Variants in MIER3 observed in about 807,000 individuals in gnomAD.
MIER3 encodes MIER family member 3, also known as mesoderm induction early response protein 3.
In MIER3, 9 loss-of-function variants were observed where a neutral mutation model predicts 63.2. The ratio of observed to expected loss-of-function variants is 0.14; its 90% CI spans 0.09 to 0.25. The LOEUF is 0.25. Ranked by LOEUF, MIER3 falls within the 10% of genes least tolerant of loss-of-function variation. The pLI is 1.00. For missense variants in MIER3, 512 were observed against 666.2 expected, an observed-to-expected ratio of 0.77 and a Z score of 2.55; for synonymous variants, 205 against 224.9, an observed-to-expected ratio of 0.91 and a Z score of 0.79.
intron 10 of MIER3, chr5:56,928,090 C>A (rs1238789101): frequency 3.3e-5 from 5 of 152,124 alleles, no homozygotes; most frequent in African/African-American, 9.7e-5. Flanking sequence ...TCTGGAGGTG[C>A]CACACTTTGT....
chr5:56,934,959 G>A (rs896597171), intron 7 of MIER3, among the ~76,000 whole-genome samples: 1 of 152,170 alleles, frequency 6.6e-6, no homozygotes, highest in Non-Finnish European at 1.5e-5. Flanking sequence ...ACATAATTAG[G>A]AGTATACAAG....
At chr5:56,925,414 C>G (rs1316045429) in intron 10 of MIER3, 1 of 437,288 alleles carries the variant, frequency 2.3e-6, no homozygotes, top group African/African-American at 2.0e-5. Flanking sequence ...AGCAAAGTTT[C>G]AGGAGACAAG....
rs36017815 is a variant in MIER3 at position 56,923,192 on chromosome 5, T to C, written c.1589A>G (p.Asn530Ser). The C allele has an allele frequency of 0.011, 17,492 of 1,613,918 alleles. 1,408 individuals are homozygous for C. The African/African-American group carries it at 0.19, about 18-fold the overall frequency. Residue 530 changes from asparagine (N) to serine (S), a missense_variant, in exon 13 of 13, where the codon AAC becomes AGC. Asn to Ser is a conservative substitution (Grantham distance 46). Around this residue, in one of 5 missense-constraint regions of MIER3, gnomAD observed 218 missense variants for 251.2 expected, o/e 0.87. Transcript: ENST00000381199. The part of the protein sequence containing the change: ...SVADFGSLSA[N>S]ETNGFISAHA... ...GGCACTGATGAAACCATTGGTCTCGTTGGCAGAGAGACTGCCAAAGTCAGC... is the reference window on the plus strand; with the variant it reads ...GGCACTGATGAAACCATTGGTCTCGCTGGCAGAGAGACTGCCAAAGTCAGC...
chr5:56,941,496 C>T (rs1431059410), intron 3 of MIER3: 2 of 152,014 alleles, frequency 1.3e-5, no homozygotes, highest in African/African-American at 4.8e-5. Flanking sequence ...AAGGCCAGTC[C>T]CATGAAGAGT....
chr5:56,922,657 G>T lies in MIER3; in HGVS notation c.*471C>A, dbSNP rs1749727407. 1.3e-5 allele frequency: 2 copies of T among 157,654 alleles called. No homozygotes were observed. The allele number at this position is 157,654 out of a possible 1,614,324, so 9.8% of individuals were successfully genotyped here. ...AAAAATGCTACATTGAGCAGGGATCGGGATCGGTACCTGTAAACATTGTTA... is the reference window on the plus strand; with the variant it reads ...AAAAATGCTACATTGAGCAGGGATCTGGATCGGTACCTGTAAACATTGTTA... On this transcript the variant is annotated 3_prime_UTR_variant, in exon 13 of 13. Coordinates refer to ENST00000381199, the MANE Select transcript of MIER3 (RefSeq NM_001297599.2).
intron 3 of MIER3, among the ~76,000 whole-genome samples, chr5:56,942,769 A>G (rs1750690894): frequency 6.6e-6 from 1 of 152,238 alleles, no homozygotes; most frequent in East Asian, 1.9e-4. Flanking sequence ...ATGGATAATC[A>G]AGAATGGTCA....
intron 7 of MIER3, among the ~76,000 whole-genome samples, chr5:56,933,873 T>G (rs1266660445): frequency 1.3e-5 from 2 of 152,060 alleles, no homozygotes; most frequent in African/African-American, 4.8e-5. Context: ...AAGGGTATAC[T>G]TTTTCTCCCA....
intron 11 of MIER3, 22 bp downstream of exon 11, chr5:56,923,893 A>G (rs1168227908): frequency 3.1e-6 from 5 of 1,613,920 alleles, no homozygotes; most frequent in Non-Finnish European, 4.2e-6. Context: ...TAAGTCTTTG[A>G]AGGCAAGGCC....
chr5:56,939,678 T>G (rs1272961655), intron 3 of MIER3, among the ~76,000 whole-genome samples: 1 of 152,172 alleles, frequency 6.6e-6, no homozygotes, highest in Non-Finnish European at 1.5e-5. Flanking sequence ...TTTAATAAAA[T>G]TACATACCCT....
intron 12 of MIER3, 46 bp downstream of exon 12, chr5:56,923,645 A>G (rs756654751): frequency 1.3e-5 from 21 of 1,613,380 alleles, no homozygotes; most frequent in Non-Finnish European, 1.8e-5. Context: ...CAGAGGACAC[A>G]ATTTTGCAAC....
chr5:56,938,751 C>T (rs938556990), intron 4 of MIER3, 132 bp downstream of exon 4: 1 of 1,196,364 alleles, frequency 8.4e-7, no homozygotes. Context: ...AAGTTTAAAT[C>T]AGCCACCAAA....
Position 56,921,024 on chromosome 5 carries a change from T to A in MIER3, c.*2104A>T, listed in dbSNP as rs1749646944. 1 of 152,560 alleles carries A rather than the reference T, an allele frequency of 6.6e-6. No homozygotes were observed. The highest frequency in any genetic ancestry group is 2.4e-5 in the African/African-American group (1 of 41,446). The allele number at this position is 152,560 out of a possible 1,614,324, so 9.5% of individuals were successfully genotyped here. A position where few individuals can be genotyped will look rare whatever the true frequency, so the allele number is the denominator to read the frequency against. On this transcript the variant is annotated 3_prime_UTR_variant, in exon 13 of 13. Transcript: ENST00000381199. ...CTAAAGTGTCCATTCAACTTGCTGA[T>A]AATCAAAACTTTAGATAAGAAACAC...
At chr5:56,924,396 G>T (rs1430616142) in intron 10 of MIER3, among the ~76,000 whole-genome samples, 1 of 152,036 alleles carries the variant, frequency 6.6e-6, no homozygotes, top group Non-Finnish European at 1.5e-5. Context: ...CTACAGTGAG[G>T]GTTCTTAACT....
In MIER3 at chr5:56,922,910, A is replaced by G. The variant is rs933635599; in HGVS notation, c.*218T>C. 2 of 547,194 alleles carry G rather than the reference A, an allele frequency of 3.7e-6. No individual in the cohort carries two copies. The highest frequency in any genetic ancestry group is 6.5e-6 in the Non-Finnish European group (2 of 305,830). 33.9% of individuals were successfully genotyped at this position (547,194 alleles called of 1,614,324 possible). A position where few individuals can be genotyped will look rare whatever the true frequency, so the allele number is the denominator to read the frequency against. ...GCTTAAAGCTGCACCACAGAGTTCA[A>G]TCTTAGTTCCCAACTCTGCTGATCA... On this transcript the variant is annotated 3_prime_UTR_variant, in exon 13 of 13. Transcript: ENST00000381199.
chr5:56,946,969 T>A lies in MIER3; in HGVS notation c.137A>T (p.Asp46Val), dbSNP rs773903504. The part of the protein sequence containing the change: ...ERTLEEEEMM[D>V]EGKNFSSEIE... ...TTCTGAACTGAAGTTTTTACCCTCATCCATCATTTCCTCTTCTTCAAGAGT... is the reference window on the plus strand; with the variant it reads ...TTCTGAACTGAAGTTTTTACCCTCAACCATCATTTCCTCTTCTTCAAGAGT... Residue 46 changes from aspartate (D) to valine (V), a missense_variant, in exon 3 of 13, where the codon GAT becomes GTT. Asp to Val is a radical substitution (Grantham distance 152). This residue lies in a region of MIER3 where 98 missense variants were observed against 107.4 expected (regional missense o/e 0.91). Coordinates refer to ENST00000381199, the MANE Select transcript of MIER3 (RefSeq NM_001297599.2). The A allele has an allele frequency of 6.2e-7, 1 of 1,606,946 alleles. No homozygotes were observed. Among genetic ancestry groups the A allele is most frequent in the Admixed American group, 1.7e-5 (1 of 58,550 alleles).
chr5:56,948,149 C>T (rs552900014), intron 2 of MIER3, among the ~76,000 whole-genome samples: 3 of 152,290 alleles, frequency 2.0e-5, no homozygotes, highest in South Asian at 4.1e-4. Context: ...AGTGTGAGAT[C>T]ATTACCAAAA....
Position 56,950,575 on chromosome 5 carries a change from G to GAA in MIER3, c.34+52_34+53insTT. 4 of 1,588,796 alleles carry GAA rather than the reference G, an allele frequency of 2.5e-6. No homozygotes were observed. The South Asian group carries it at 4.4e-5, about 18-fold the overall frequency. On this transcript the variant is annotated intron_variant, in intron 2 of 12. Coordinates refer to ENST00000381199, the MANE Select transcript of MIER3 (RefSeq NM_001297599.2). ...GGGAATCCTTTAGCAACAGACCTTT[G>GAA]AGCCCACATTACCCACTGGGAACCA...
chr5:56,948,973 A>G (rs190486611), intron 2 of MIER3, among the ~76,000 whole-genome samples: 1 of 152,226 alleles, frequency 6.6e-6, no homozygotes, highest in Non-Finnish European at 1.5e-5. Flanking sequence ...TTGGGACCTA[A>G]AGGAAGTCAT....
intron 5 of MIER3, 39 bp downstream of exon 5, chr5:56,937,539 C>G (rs368478234): frequency 3.2e-6 from 5 of 1,573,634 alleles, no homozygotes; most frequent in Non-Finnish European, 4.3e-6. Flanking sequence ...GCTACAGTAT[C>G]AATGTTACTA....
Sources: gnomAD v4.1 joint callset for allele counts (sites outside exome capture counted in the v4.1 genomes callset) on GRCh38, gnomAD v4.1.1 for gene constraint, gnomAD v4.1.1 regional missense constraint, MANE v1.5 for transcripts, NCBI Gene and HGNC (gene_info 2026-07-23, HGNC 2026-07-21) for gene names.